FLII: variants seen among roughly 807,000 people sequenced by gnomAD.
The protein encoded by FLII is protein flightless-1 homolog.
Under a neutral mutation model 156.2 loss-of-function variants are expected in FLII, and 101 were observed. The observed-to-expected ratio is 0.65, with a 90% CI of 0.55 to 0.76. The LOEUF (loss-of-function observed/expected upper bound fraction) is 0.76, where lower values mean the gene tolerates loss of function less well. Among genes scored for constraint, FLII ranks in the 30% least tolerant of loss-of-function variants. FLII has a pLI of 0.00. For synonymous variants in FLII, 767 were observed against 685.8 expected (o/e 1.12, Z -1.85); for missense variants, 1,675 against 1,682.8 (o/e 1.00, Z 0.08).
intron 10 of FLII, 115 bp downstream of exon 10, chr17:18,252,357 A>G: frequency 9.6e-7 from 1 of 1,038,864 alleles, no homozygotes; most frequent in South Asian, 1.4e-5. Context: ...CCTTCTCCCC[A>G]CGGGCACCCT....
At position 18,248,007 on chromosome 17, in the gene FLII, C is replaced by T. The variant is rs750760136; in HGVS notation, c.2217G>A (p.Glu739=). ...YKVGLGLGYL[E]LPQINYKLSV... ...AGAGCTTGTAGTTGATCTGTGGCAG[C>T]TCCAGGTAGCCCAAGCCCAGGCCCA... is the stretch of plus-strand genomic sequence containing the variant. Residue 739 remains glutamate, a synonymous_variant, in exon 19 of 30, where the codon GAG becomes GAA. Transcript: ENST00000327031. 5 of 1,613,940 alleles carry T rather than the reference C, an allele frequency of 3.1e-6. No individual in the cohort carries two copies. The highest frequency in any genetic ancestry group is 1.7e-4 in the Middle Eastern group (1 of 6,058).
intron 2 of FLII, 30 bp from the exon 3 acceptor site, chr17:18,256,627 C>G: frequency 1.3e-6 from 2 of 1,543,992 alleles, no homozygotes; most frequent in South Asian, 1.2e-5. Context: ...ACAGGCTCAG[C>G]AGGGTGGGTG....
chr17:18,256,741 G>T (rs746336967), intron 2 of FLII, 144 bp from the exon 3 acceptor site: 1 of 818,060 alleles, frequency 1.2e-6, no homozygotes, highest in Non-Finnish European at 2.0e-6. Flanking sequence ...TCACTCACCC[G>T]GCCTCTTCTT....
At chr17:18,255,109 CA>C in intron 4 of FLII, 73 bp downstream of exon 4, 1 of 1,217,476 alleles carries the variant, frequency 8.2e-7, no homozygotes, top group Non-Finnish European at 1.2e-6. Flanking sequence ...ACAATGGCCC[CA>C]GGGACTTTTA....
chr17:18,258,678 C>G lies in FLII; in HGVS notation c.13G>C (p.Gly5Arg), dbSNP rs562279387. The G allele has an allele frequency of 8.7e-5, 133 of 1,525,300 alleles. No homozygotes were observed. The highest frequency in any genetic ancestry group is 4.1e-4 in the Admixed American group (21 of 51,168). 94.5% of individuals were successfully genotyped at this position (1,525,300 alleles called of 1,614,324 possible). A position where few individuals can be genotyped will look rare whatever the true frequency, so the allele number is the denominator to read the frequency against. MEAT[G>R]VLPFVRGVDL... The stretch of plus-strand genomic sequence containing the variant: ...ACGCCACGCACGAACGGCAGCACCC[C>G]GGTGGCCTCCATGGCGCCGCTCTCG... The change falls in exon 1 of 30, where the codon GGG (glycine) becomes CGG (arginine). Residue 5 changes from glycine to arginine, a missense_variant. By Grantham distance (125) the Gly-to-Arg change is moderately radical. Transcript: ENST00000327031. The surrounding 1 kb of genome is among the most constrained non-coding windows in gnomAD (Gnocchi z 4.2).
rs200176371 is a variant in FLII at position 18,249,791 on chromosome 17, AAAAC to A, written c.1777-387_1777-384del. The stretch of plus-strand genomic sequence containing the variant: ...GGCAACAACAGCAAAACTCTGTCTT[AAAAC>A]AAACAAACAAACAAACAAACAACAA... On this transcript the variant is annotated intron_variant, in intron 14 of 29. Coordinates refer to ENST00000327031, the MANE Select transcript of FLII (RefSeq NM_002018.4). Among the ~76,000 whole-genome samples the A allele has an allele frequency of 3.5e-3, 518 of 149,390 alleles. 1 individual carries two copies. Among genetic ancestry groups the A allele is most frequent in the Non-Finnish European group, 5.0e-3 (337 of 66,818 alleles).
Position 18,244,929 on chromosome 17 carries a change from G to GCACT in FLII, c.*205_*208dup, listed in dbSNP as rs1316440025. The GCACT allele has an allele frequency of 1.7e-5, 10 of 603,814 alleles. No individual in the cohort carries two copies. The highest frequency in any genetic ancestry group is 4.8e-5 in the South Asian group (2 of 42,080). 37.4% of individuals were successfully genotyped at this position (603,814 alleles called of 1,614,324 possible). On this transcript the variant is annotated 3_prime_UTR_variant, in exon 30 of 30. Transcript: ENST00000327031. Reference sequence around the variant, plus strand: ...GGAAGAGTGAGGGGGCTTCACACGTGCACTCACACTGTGGAGAGAGTTGGA... The same window carrying GCACT: ...GGAAGAGTGAGGGGGCTTCACACGTGCACTCACTCACACTGTGGAGAGAGTTGGA...
chr17:18,257,040 T>G (rs1301078244), intron 1 of FLII, 21 bp from the exon 2 acceptor site: 1 of 1,538,070 alleles, frequency 6.5e-7, no homozygotes, highest in East Asian at 2.4e-5. Flanking sequence ...GATGTCAAGG[T>G]GAAGCACAGA....
Position 18,258,715 on chromosome 17 carries a change from C to G in FLII, c.-25G>C, listed in dbSNP as rs1194339749. On this transcript the variant is annotated 5_prime_UTR_variant, in exon 1 of 30. Transcript: ENST00000327031. This position sits in a 1 kb window ranked among gnomAD's most constrained non-coding sequence, Gnocchi z 4.2. ...TGGCGCCGCTCTCGCTGCCGGGCCG[C>G]GCCGGGCTAGGGAGCGCCGGGGCGA... The G allele has an allele frequency of 2.1e-6, 3 of 1,450,034 alleles. No homozygotes were observed. Among genetic ancestry groups the G allele is most frequent in the Non-Finnish European group, 2.7e-6 (3 of 1,106,450 alleles). 89.8% of individuals were successfully genotyped at this position (1,450,034 alleles called of 1,614,324 possible).
At position 18,253,472 on chromosome 17, in the gene FLII, G is replaced by C. The variant is rs375783447; in HGVS notation, c.856-14C>G. ...GCAAATGGCTGACTGGAGGGGGAACGGGCAGGGGTGGGAGGTCAGGGCCAG... is the reference window on the plus strand; with the variant it reads ...GCAAATGGCTGACTGGAGGGGGAACCGGCAGGGGTGGGAGGTCAGGGCCAG... On this transcript the variant is annotated splice_polypyrimidine_tract_variant and intron_variant, in intron 8 of 29. Coordinates refer to ENST00000327031, the MANE Select transcript of FLII (RefSeq NM_002018.4). The C allele has an allele frequency of 1.2e-6, 2 of 1,613,712 alleles. No homozygotes were observed. Among genetic ancestry groups the C allele is most frequent in the African/African-American group, 1.3e-5 (1 of 74,932 alleles).
chr17:18,259,016 T>G (rs1305708584), upstream of FLII: 2 of 182,422 alleles, frequency 1.1e-5, no homozygotes, highest in Non-Finnish European at 2.3e-5. Context: ...CTGCAGCACA[T>G]GAAGCTGGCC....
At chr17:18,247,073 C>A in intron 21 of FLII, 21 bp from the exon 22 acceptor site, 1 of 1,609,648 alleles carries the variant, frequency 6.2e-7, no homozygotes, top group Non-Finnish European at 8.5e-7. Context: ...GAGGGACCCG[C>A]CCCGCGGCAG....
In FLII at chr17:18,251,772, G is replaced by A. The variant is rs976055747; in HGVS notation, c.1291C>T (p.Arg431Trp). Residue 431 changes from arginine to tryptophan, a missense_variant, in exon 12 of 30, where the codon CGG becomes TGG. Coordinates refer to ENST00000327031, the MANE Select transcript of FLII (RefSeq NM_002018.4). ...KDPMARKMRL[R>W]RRKDSAQDDQ... ...TCCTGGGCTGAATCCTTGCGCCTCCGCAGTCGCATCTTGCGAGCCATAGGG... is the reference window on the plus strand; with the variant it reads ...TCCTGGGCTGAATCCTTGCGCCTCCACAGTCGCATCTTGCGAGCCATAGGG... 1.9e-6 allele frequency: 3 copies of A among 1,613,844 alleles called. No homozygotes were observed. Among genetic ancestry groups the A allele is most frequent in the East Asian group, 2.2e-5 (1 of 44,878 alleles).
At position 18,245,372 on chromosome 17, in the gene FLII, C is replaced by G; in HGVS notation, c.3657G>C (p.Leu1219=). ...GTQTSQVEIK[L]SLKACQVYIQ... ...AGATTACCTGGCAGGCCTTCAGGCT[C>G]AGCTTGATCTCCACCTGGCTAGTCT... Residue 1219 remains leucine (L), a synonymous_variant, in exon 29 of 30, where the codon CTG becomes CTC. Transcript: ENST00000327031. 1.9e-6 allele frequency: 3 copies of G among 1,614,236 alleles called. No individual in the cohort carries two copies. The highest frequency in any genetic ancestry group is 2.5e-6 in the Non-Finnish European group (3 of 1,180,036).
chr17:18,250,125 AAAACATACACATCTGTGTCTAT>A (rs796343895), intron 14 of FLII, among the ~76,000 whole-genome samples: 60 of 152,374 alleles, frequency 3.9e-4, no homozygotes, highest in African/African-American at 1.4e-3. Flanking sequence ...TGTCTAAAAT[AAAACATACACATCTGTGTCTAT>A]AAACATACAC....
rs752460534 is a variant in FLII at position 18,245,439 on chromosome 17, G to A, written c.3610-20C>T. 6.2e-7 allele frequency: 1 copy of A among 1,613,742 alleles called. No homozygotes were observed. The highest frequency in any genetic ancestry group is 1.7e-5 in the Admixed American group (1 of 60,010). ...GTAGACCTGTGGGGGCAGCAGGGGA[G>A]ATACGGTTGCATGGGTGCCTGGGAA... On this transcript the variant is annotated intron_variant, in intron 28 of 29. Coordinates refer to ENST00000327031, the MANE Select transcript of FLII (RefSeq NM_002018.4).
chr17:18,252,720 C>T (rs1466189693), intron 9 of FLII, among the ~76,000 whole-genome samples, 164 bp from the exon 10 acceptor site: 7 of 152,210 alleles, frequency 4.6e-5, no homozygotes, highest in South Asian at 4.1e-4. Flanking sequence ...GACCATGTTA[C>T]GGGCACTGTG....
rs2048301301 is a variant in FLII, at chr17:18,252,499, T to G, written c.1071A>C (p.Glu357Asp). ...LNKNHLVTLP[E>D]AIHFLTEIEV... ...CGATCTCCGTCAGGAAATGGATGGC[T>G]TCTGGGAGGGTCACCAGGTGGTTCT... Residue 357 changes from glutamate (E) to aspartate (D), a missense_variant, in exon 10 of 30, where the codon GAA (glutamate) becomes GAC (aspartate). Glu to Asp is a conservative substitution (Grantham distance 45). Transcript: ENST00000327031. The G allele has an allele frequency of 6.2e-7, 1 of 1,613,752 alleles. No individual in the cohort carries two copies. The highest frequency in any genetic ancestry group is 1.1e-5 in the South Asian group (1 of 91,090).
intron 9 of FLII, 36 bp downstream of exon 9, chr17:18,253,265 G>C (rs776550221): frequency 6.2e-7 from 1 of 1,611,470 alleles, no homozygotes; most frequent in Non-Finnish European, 8.5e-7. Context: ...TCTCTGTGCT[G>C]CAAGTGCCTC....
Sources: gnomAD v4.1 joint callset for allele counts (sites outside exome capture counted in the v4.1 genomes callset) on GRCh38, gnomAD v4.1.1 for gene constraint, Gnocchi (gnomAD v3.1) non-coding constraint, MANE v1.5 for transcripts, NCBI Gene and HGNC (gene_info 2026-07-23, HGNC 2026-07-21) for gene names.